Variants in TANGO6 observed in about 807,000 individuals in gnomAD.
TANGO6 encodes the protein transport and Golgi organization protein 6 homolog.
Under a neutral mutation model 114.2 loss-of-function variants are expected in TANGO6, and 90 were observed. That is an observed-to-expected ratio of 0.79 (90% CI 0.66 to 0.94). TANGO6 has a LOEUF of 0.94. TANGO6 is among the 40% of genes least tolerant of loss of function. TANGO6 has a pLI of 0.00. For missense variants in TANGO6, 1,274 were observed against 1,315.3 expected (o/e 0.97, Z 0.49); for synonymous variants, 477 against 509.8 (o/e 0.94, Z 0.87).
At chr16:68,872,738 C>G (rs895041289) in intron 4 of TANGO6, among the ~76,000 whole-genome samples, 2 of 151,604 alleles carry the variant, frequency 1.3e-5, no homozygotes, top group African/African-American at 4.9e-5. Context: ...CTGCAACTTC[C>G]CAGGCTGGAA....
chr16:69,050,386 G>A (rs1340101193), intron 17 of TANGO6, among the ~76,000 whole-genome samples: 2 of 152,066 alleles, frequency 1.3e-5, no homozygotes, highest in African/African-American at 4.8e-5. Flanking sequence ...TGGTCATCCT[G>A]GCTGGAATGG....
intron 15 of TANGO6, among the ~76,000 whole-genome samples, chr16:69,018,288 C>T (rs1204632505): frequency 6.6e-6 from 1 of 150,980 alleles, no homozygotes; most frequent in African/African-American, 2.4e-5. Flanking sequence ...GGACTACAGG[C>T]GCCCGCCACC....
At chr16:69,067,722 G>C (rs1308998704) in intron 17 of TANGO6, among the ~76,000 whole-genome samples, 2 of 151,964 alleles carry the variant, frequency 1.3e-5, no homozygotes, top group Non-Finnish European at 2.9e-5. Context: ...CGGATCACTT[G>C]AAGTTGGGAG....
intron 11 of TANGO6, among the ~76,000 whole-genome samples, chr16:68,914,529 C>T (rs1463724022): frequency 6.6e-6 from 1 of 152,144 alleles, no homozygotes; most frequent in Non-Finnish European, 1.5e-5. Flanking sequence ...TCTGTAGAGC[C>T]TGAATCAGAT....
At chr16:68,941,749 G>GA (rs201184236) in intron 14 of TANGO6, among the ~76,000 whole-genome samples, 23 of 149,222 alleles carry the variant, frequency 1.5e-4, no homozygotes, top group South Asian at 1.1e-3. Context: ...GTCTCTGAGG[G>GA]AAAAAAAAAG....
intron 12 of TANGO6, among the ~76,000 whole-genome samples, chr16:68,926,277 TG>T (rs1221651317): frequency 6.6e-6 from 1 of 152,060 alleles, no homozygotes; most frequent in African/African-American, 2.4e-5. Flanking sequence ...GCGGATCACC[TG>T]AGGTCCGGAG....
intron 4 of TANGO6, among the ~76,000 whole-genome samples, chr16:68,871,094 C>A (rs570444024): frequency 8.6e-5 from 13 of 151,974 alleles, no homozygotes; most frequent in Non-Finnish European, 1.5e-4. Flanking sequence ...CCCGGCCTGG[C>A]AATTAATTTT....
chr16:68,863,260 AATGAAATG>A, intron 3 of TANGO6, 199 bp downstream of exon 3: 1 of 384,622 alleles, frequency 2.6e-6, no homozygotes, highest in Non-Finnish European at 4.6e-6. Context: ...CCTTTTCTCT[AATGAAATG>A]ATGGACACTT....
At chr16:68,850,100 A>G (rs1699066200) in intron 1 of TANGO6, among the ~76,000 whole-genome samples, 1 of 151,434 alleles carries the variant, frequency 6.6e-6, no homozygotes, top group Non-Finnish European at 1.5e-5. Flanking sequence ...CAGCCTCCCA[A>G]GTAGCTGGGA....
At chr16:68,906,203 T>A (rs1040563719) in intron 9 of TANGO6, among the ~76,000 whole-genome samples, 7 of 151,776 alleles carry the variant, frequency 4.6e-5, no homozygotes, top group Middle Eastern at 3.4e-3. Flanking sequence ...AAATAAATAA[T>A]TATAGAAATT....
intron 16 of TANGO6, among the ~76,000 whole-genome samples, chr16:69,037,363 T>A (rs1276403600): frequency 6.6e-6 from 1 of 152,132 alleles, no homozygotes; most frequent in Admixed American, 6.6e-5. Flanking sequence ...GGAGCCTTGG[T>A]CTTCCAAACG....
At chr16:68,844,996 C>G (rs1961781239) in intron 1 of TANGO6, among the ~76,000 whole-genome samples, 1 of 130,388 alleles carries the variant, frequency 7.7e-6, no homozygotes, top group African/African-American at 3.1e-5. Context: ...GAGATGAGGT[C>G]TCACTCTGTT....
chr16:68,962,008 A>G (rs1963597514), intron 14 of TANGO6, among the ~76,000 whole-genome samples: 1 of 152,220 alleles, frequency 6.6e-6, no homozygotes, highest in Non-Finnish European at 1.5e-5. Flanking sequence ...GAATCTTTAT[A>G]AATTTGTTGG....
chr16:68,995,201 C>G (rs1421874505), intron 15 of TANGO6, among the ~76,000 whole-genome samples: 1 of 152,140 alleles, frequency 6.6e-6, no homozygotes, highest in Non-Finnish European at 1.5e-5. Context: ...AAAGGGAAAG[C>G]TTAAGAGCCC....
intron 17 of TANGO6, among the ~76,000 whole-genome samples, chr16:69,051,064 A>G (rs989541014): frequency 2.2e-4 from 34 of 151,960 alleles, no homozygotes; most frequent in African/African-American, 8.2e-4. Flanking sequence ...ATTAAATTAC[A>G]TATTAAATTG....
intron 11 of TANGO6, among the ~76,000 whole-genome samples, chr16:68,913,911 C>T (rs1457023724): frequency 6.6e-6 from 1 of 151,980 alleles, no homozygotes; most frequent in South Asian, 2.1e-4. Context: ...CACTTCCCAG[C>T]GAAAGACTGG....
Position 68,937,990 on chromosome 16 carries a change from A to G in TANGO6, c.2701+7695A>G, listed in dbSNP as rs78092369. Among the ~76,000 whole-genome samples, 1,255 of 152,276 alleles carry G rather than the reference A, an allele frequency of 8.2e-3. 21 individuals are homozygous for G. Among genetic ancestry groups the G allele is most frequent in the African/African-American group, 0.028 (1,182 of 41,538 alleles). On this transcript the variant is annotated intron_variant, in intron 14 of 17. Coordinates refer to ENST00000261778, the MANE Select transcript of TANGO6 (RefSeq NM_024562.2). ...AATTGCTGGATCGTATAGTAAGTCT[A>G]TGTTTAGCCTTTTGAGGAACTGCTG...
intron 12 of TANGO6, chr16:68,926,849 C>G (rs1792581372): frequency 6.6e-6 from 1 of 152,176 alleles, no homozygotes; most frequent in African/African-American, 2.4e-5. Flanking sequence ...TTGATTCTTA[C>G]TTTTCATTGA....
At chr16:68,953,050 TTTATTATTATTATTATTATTA>T (rs71383944) in intron 14 of TANGO6, among the ~76,000 whole-genome samples, 1 of 139,214 alleles carries the variant, frequency 7.2e-6, no homozygotes, top group Non-Finnish European at 1.5e-5. Flanking sequence ...ACAGGTATTT[TTTATTATTATTATTATTATTA>T]TTATTATTAT....
Sources: gnomAD v4.1 joint callset for allele counts (sites outside exome capture counted in the v4.1 genomes callset) on GRCh38, gnomAD v4.1.1 for gene constraint, MANE v1.5 for transcripts, NCBI Gene and HGNC (gene_info 2026-07-23, HGNC 2026-07-21) for gene names.